Variants in ATG7 observed in about 807,000 individuals in gnomAD.
The protein encoded by ATG7 is ubiquitin-like modifier-activating enzyme ATG7.
ATG7 carries 70 observed loss-of-function variants against 82.4 expected under a neutral mutation model. That is an observed-to-expected ratio of 0.85 (90% CI 0.70 to 1.04). ATG7 has a LOEUF of 1.04. Ranked by LOEUF, ATG7 falls within the 50% of genes least tolerant of loss-of-function variation. The pLI, the probability that ATG7 is intolerant of heterozygous loss-of-function variation, is 0.00. For missense variants in ATG7, 792 were observed against 864.3 expected (o/e 0.92, Z 1.05); for synonymous variants, 287 against 313.0 (o/e 0.92, Z 0.88).
At chr3:11,540,907 T>TGGCGGGGGGG (rs1478475481) in intron 20 of ATG7, among the ~76,000 whole-genome samples, 7 of 34,944 alleles carry the variant, frequency 2.0e-4, no homozygotes, top group Non-Finnish European at 4.4e-4. Flanking sequence ...TAGCTTTTTT[T>TGGCGGGGGGG]GGGGGGGGGA....
chr3:11,515,276 C>T (rs1355054894), intron 20 of ATG7, among the ~76,000 whole-genome samples: 1 of 145,880 alleles, frequency 6.9e-6, no homozygotes, highest in Non-Finnish European at 1.5e-5. Flanking sequence ...GTCGGTGTTT[C>T]TACTCACTGT....
At chr3:11,492,441 G>A (rs932699189) in intron 20 of ATG7, among the ~76,000 whole-genome samples, 4 of 152,184 alleles carry the variant, frequency 2.6e-5, no homozygotes, top group African/African-American at 4.8e-5. Flanking sequence ...ACTCACGCTG[G>A]GAGCTGTAGA....
At chr3:11,323,558 CAT>C (rs1337805886) in intron 9 of ATG7, among the ~76,000 whole-genome samples, 1 of 152,222 alleles carries the variant, frequency 6.6e-6, no homozygotes, top group Admixed American at 6.5e-5. Flanking sequence ...AAAAATAGCT[CAT>C]AACATTGTCC....
In ATG7 at chr3:11,433,884, C is replaced by G. The variant is rs559240360; in HGVS notation, c.2079+6958C>G. On this transcript the variant is annotated intron_variant, in intron 20 of 20. Transcript: ENST00000693202. ...AAGAAAGCAACAACCATAACATAGGCTATAAAATCATAAACAGACCAGCAG... is the reference window on the plus strand; with the variant it reads ...AAGAAAGCAACAACCATAACATAGGGTATAAAATCATAAACAGACCAGCAG... Among the ~76,000 whole-genome samples the G allele has an allele frequency of 1.7e-3, 254 of 152,246 alleles. 1 individual carries two copies. Among genetic ancestry groups the G allele is most frequent in the African/African-American group, 5.6e-3 (231 of 41,544 alleles).
At chr3:11,396,450 A>C (rs2079283115) in intron 19 of ATG7, among the ~76,000 whole-genome samples, 1 of 152,186 alleles carries the variant, frequency 6.6e-6, no homozygotes. Flanking sequence ...AGAAAAAAAA[A>C]TGTGGGTAAC....
intron 19 of ATG7, among the ~76,000 whole-genome samples, chr3:11,414,547 T>G (rs982251387): frequency 6.6e-6 from 1 of 152,208 alleles, no homozygotes; most frequent in Non-Finnish European, 1.5e-5. Flanking sequence ...TTCTTTTTCT[T>G]GTCTTATTTC....
At chr3:11,518,052 G>T (rs1222045784) in intron 20 of ATG7, among the ~76,000 whole-genome samples, 1 of 152,210 alleles carries the variant, frequency 6.6e-6, no homozygotes, top group Non-Finnish European at 1.5e-5. Flanking sequence ...ACAGGCTCTG[G>T]TGATTGGTTG....
downstream of ATG7, among the ~76,000 whole-genome samples, chr3:11,561,333 G>C (rs1192704455): frequency 6.6e-6 from 1 of 151,850 alleles, no homozygotes; most frequent in Non-Finnish European, 1.5e-5. Context: ...CTTCAGAAGA[G>C]ACTCTCTAAC....
chr3:11,362,912 T>C lies in ATG7; in HGVS notation c.1783T>C (p.Leu595=). ...GGCCGTGGAATTGATGGTATCTGTT[T>C]TGCAGCATCCAGAAGGGTGAGTTTG... The part of the protein sequence containing the change: ...ALAVELMVSV[L]QHPEGGYAIA... Residue 595 remains leucine (L), a synonymous_variant, in exon 17 of 21, where the codon TTG becomes CTG. Coordinates refer to ENST00000693202, the MANE Select transcript of ATG7 (RefSeq NM_001349232.2). 1 of 1,613,916 alleles carries C rather than the reference T, an allele frequency of 6.2e-7. No individual in the cohort carries two copies. The highest frequency in any genetic ancestry group is 8.5e-7 in the Non-Finnish European group (1 of 1,179,912).
chr3:11,431,056 A>C (rs899588513), intron 20 of ATG7, among the ~76,000 whole-genome samples: 1 of 152,216 alleles, frequency 6.6e-6, no homozygotes, highest in Non-Finnish European at 1.5e-5. Flanking sequence ...TGAAGTCAAC[A>C]TAATGTTTTT....
chr3:11,390,639 G>A (rs1410342932), intron 19 of ATG7, among the ~76,000 whole-genome samples: 6 of 149,992 alleles, frequency 4.0e-5, no homozygotes, highest in African/African-American at 1.5e-4. Flanking sequence ...AGCCTCAGCA[G>A]TGGTAACTTT....
At chr3:11,389,986 C>T (rs956517421) in intron 19 of ATG7, among the ~76,000 whole-genome samples, 3 of 152,158 alleles carry the variant, frequency 2.0e-5, no homozygotes, top group Non-Finnish European at 4.4e-5. Flanking sequence ...TTGCATTTTC[C>T]TTTCTTTATA....
At chr3:11,288,541 A>G (rs985779710) in intron 3 of ATG7, 1 of 152,028 alleles carries the variant, frequency 6.6e-6, no homozygotes, top group African/African-American at 2.4e-5. Flanking sequence ...TAATTATTTT[A>G]GTTATTTCTG....
intron 19 of ATG7, among the ~76,000 whole-genome samples, chr3:11,397,830 C>T (rs376184201): frequency 6.7e-6 from 1 of 149,270 alleles, no homozygotes; most frequent in Admixed American, 6.6e-5. Flanking sequence ...CACCTGTAAT[C>T]CCGGCACTCT....
At chr3:11,483,470 G>C (rs1479487683) in intron 20 of ATG7, among the ~76,000 whole-genome samples, 2 of 152,126 alleles carry the variant, frequency 1.3e-5, no homozygotes, top group Non-Finnish European at 2.9e-5. Flanking sequence ...AGTTTTCTTG[G>C]GGGTAGGGAA....
chr3:11,304,454 CAT>C (rs1412036482), intron 5 of ATG7: 8 of 3,146 alleles, frequency 2.5e-3, no homozygotes, highest in African/African-American at 0.016. Flanking sequence ...GACAAAGAAG[CAT>C]GACCCCCAAC....
At chr3:11,307,084 T>G in intron 6 of ATG7, 24 bp downstream of exon 6, 1 of 1,590,728 alleles carries the variant, frequency 6.3e-7, no homozygotes, top group Admixed American at 1.7e-5. Context: ...ACGTGATGTA[T>G]GTGTCATATT....
chr3:11,353,400 C>A (rs896626078), intron 14 of ATG7, among the ~76,000 whole-genome samples: 2 of 152,106 alleles, frequency 1.3e-5, no homozygotes, highest in Admixed American at 6.5e-5. Context: ...GCTGAGATTG[C>A]ACCACTGCAC....
intron 20 of ATG7, among the ~76,000 whole-genome samples, chr3:11,485,756 G>C (rs147856287): frequency 3.3e-5 from 5 of 152,028 alleles, no homozygotes; most frequent in Admixed American, 6.6e-5. Flanking sequence ...AGCTTTCTAC[G>C]TATGGCTAGC....
Sources: gnomAD v4.1 joint callset for allele counts (sites outside exome capture counted in the v4.1 genomes callset) on GRCh38, gnomAD v4.1.1 for gene constraint, MANE v1.5 for transcripts, NCBI Gene and HGNC (gene_info 2026-07-23, HGNC 2026-07-21) for gene names.